MDN1: variants seen among roughly 807,000 people sequenced by gnomAD.
MDN1 encodes the protein midasin.
MDN1 carries 266 observed loss-of-function variants against 669.2 expected under a neutral mutation model. The ratio of observed to expected loss-of-function variants is 0.40; its 90% CI spans 0.36 to 0.44. The LOEUF is 0.44. Among genes scored for constraint, MDN1 ranks in the 20% least tolerant of loss-of-function variants. The pLI, the probability that MDN1 is intolerant of heterozygous loss-of-function variation, is 1.00. For missense variants in MDN1, 5,940 were observed against 6,754.0 expected (o/e 0.88, Z 4.22); for synonymous variants, 2,385 against 2,457.1 (o/e 0.97, Z 0.87).
In MDN1 at chr6:89,781,471, G is replaced by A; in HGVS notation, c.1571C>T (p.Ala524Val). 6.2e-7 allele frequency: 1 copy of A among 1,614,134 alleles called. No homozygotes were observed. The highest frequency in any genetic ancestry group is 8.5e-7 in the Non-Finnish European group (1 of 1,179,994). The change falls in exon 10 of 102, where the codon GCA becomes GTA. Residue 524 changes from alanine (A) to valine (V), a missense_variant. Ala to Val is a moderately conservative substitution (Grantham distance 64). Around this residue, in one of 5 missense-constraint regions of MDN1, gnomAD observed 1,203 missense variants for 1,268.9 expected, o/e 0.95. Coordinates refer to ENST00000369393, the MANE Select transcript of MDN1 (RefSeq NM_014611.3). Reference sequence around the variant, plus strand: ...TCTGGCTTCTGAAACTTCTTCAGGTGCCTGTTCACATCCAACAGAACTATC... The same window carrying A: ...TCTGGCTTCTGAAACTTCTTCAGGTACCTGTTCACATCCAACAGAACTATC... ...WSDSSVGCEQ[A>V]PEEVSEARRE...
At chr6:89,761,797 T>C (rs34865147) in intron 16 of MDN1, 49 bp from the exon 17 acceptor site, 184,488 of 1,269,644 alleles carry the variant, frequency 0.15, 15,269 homozygotes, top group Middle Eastern at 0.24. Context: ...TTGTAATATA[T>C]ACAACTTCTA....
At chr6:89,785,834 C>A (rs1322850053) in intron 8 of MDN1, among the ~76,000 whole-genome samples, 1 of 152,194 alleles carries the variant, frequency 6.6e-6, no homozygotes, top group East Asian at 1.9e-4. Flanking sequence ...GGAAGAACTT[C>A]ACTATCTCTA....
Position 89,677,575 on chromosome 6 carries a change from A to G in MDN1, c.12534T>C (p.Asp4178=). 3 of 1,613,882 alleles carry G rather than the reference A, an allele frequency of 1.9e-6. No homozygotes were observed. Among genetic ancestry groups the G allele is most frequent in the Non-Finnish European group, 2.5e-6 (3 of 1,179,932 alleles). Residue 4178 remains aspartate (D), a synonymous_variant, in exon 76 of 102, where the codon GAT becomes GAC. Coordinates refer to ENST00000369393, the MANE Select transcript of MDN1 (RefSeq NM_014611.3). The stretch of plus-strand genomic sequence containing the variant: ...CAAAACAAAAACAGACAAACCTAGA[A>G]TCAGCCTCCTGAGTGCTGCTGACGA... ...LSIVSSTQEA[D]SRLLTEISSS...
intron 45 of MDN1, among the ~76,000 whole-genome samples, chr6:89,715,402 T>C (rs1459878056): frequency 6.6e-6 from 1 of 152,204 alleles, no homozygotes; most frequent in Non-Finnish European, 1.5e-5. Context: ...GACTGGTATC[T>C]CTGCTTCCCA....
chr6:89,670,158 A>ATTTTT (rs1810582837), intron 83 of MDN1, among the ~76,000 whole-genome samples: 1 of 24,344 alleles, frequency 4.1e-5, no homozygotes, highest in Non-Finnish European at 6.6e-5. Context: ...ATATATATAT[A>ATTTTT]TATATATATA....
intron 17 of MDN1, 64 bp downstream of exon 17, chr6:89,761,581 G>A (rs1817548841): frequency 2.5e-6 from 3 of 1,209,540 alleles, no homozygotes; most frequent in Non-Finnish European, 3.6e-6. Flanking sequence ...ATAGTAACCT[G>A]CCTGAAACAT....
chr6:89,667,233 T>A (rs1340270561), intron 84 of MDN1, among the ~76,000 whole-genome samples: 1 of 151,080 alleles, frequency 6.6e-6, no homozygotes, highest in African/African-American at 2.4e-5. Context: ...ATTTGAGAAA[T>A]ACAGAAGGCC....
intron 97 of MDN1, among the ~76,000 whole-genome samples, chr6:89,649,163 GA>G (rs909785109): frequency 6.6e-6 from 1 of 152,116 alleles, no homozygotes; most frequent in Admixed American, 6.6e-5. Context: ...AACTATATCA[GA>G]AAATTTCATT....
intron 43 of MDN1, among the ~76,000 whole-genome samples, chr6:89,717,742 T>A (rs956772030): frequency 2.6e-5 from 4 of 152,198 alleles, no homozygotes; most frequent in African/African-American, 4.8e-5. Flanking sequence ...GATAAAATGT[T>A]TGCTGGCCAA....
chr6:89,670,041 A>G (rs9362671), intron 83 of MDN1, among the ~76,000 whole-genome samples: 81,581 of 148,040 alleles, frequency 0.55, 23,298 homozygotes, highest in East Asian at 0.9. Flanking sequence ...TGTCTCTACT[A>G]AAAATACAAA....
intron 76 of MDN1, 56 bp from the exon 77 acceptor site, chr6:89,676,263 A>T: frequency 1.3e-6 from 2 of 1,490,626 alleles, no homozygotes; most frequent in Non-Finnish European, 1.9e-6. Context: ...CCCACCCCAG[A>T]TCCTGAAAAC....
intron 11 of MDN1, among the ~76,000 whole-genome samples, chr6:89,779,496 C>G (rs1818537385): frequency 6.6e-6 from 1 of 152,188 alleles, no homozygotes; most frequent in African/African-American, 2.4e-5. Flanking sequence ...CAAAGAGGTT[C>G]AGTCAACCAA....
chr6:89,811,225 G>T (rs1768393942), intron 1 of MDN1, among the ~76,000 whole-genome samples: 1 of 152,024 alleles, frequency 6.6e-6, no homozygotes, highest in South Asian at 2.1e-4. Context: ...CCCATGAAAG[G>T]GTAAATGCCA....
intron 88 of MDN1, among the ~76,000 whole-genome samples, chr6:89,660,359 T>C (rs967996316): frequency 3.3e-5 from 5 of 152,018 alleles, no homozygotes; most frequent in African/African-American, 1.2e-4. Flanking sequence ...TAATTTTTTT[T>C]TCTTTGGTAG....
Position 89,722,574 on chromosome 6 carries a change from C to T in MDN1, c.5967+381G>A, listed in dbSNP as rs147292623. Reference sequence around the variant, plus strand: ...AGCTTTAACAGGCTTGCTAGCCGGGCGTGGTGGCTCACGCCTGTAATCCCA... The same window carrying T: ...AGCTTTAACAGGCTTGCTAGCCGGGTGTGGTGGCTCACGCCTGTAATCCCA... On this transcript the variant is annotated intron_variant, in intron 40 of 101. Transcript: ENST00000369393. Among the ~76,000 whole-genome samples, 1,197 of 152,308 alleles carry T rather than the reference C, an allele frequency of 7.9e-3. 6 individuals carry two copies. Among genetic ancestry groups the T allele is most frequent in the Non-Finnish European group, 0.014 (962 of 68,034 alleles).
At position 89,717,629 on chromosome 6, in the gene MDN1, G is replaced by C. The variant is rs530802355; in HGVS notation, c.6583+737C>G. Reference sequence around the variant, plus strand: ...CTGCATCGGATATCTTTTATAATTAGAGTGAATGAGTAAAGGATTTCAAGT... The same window carrying C: ...CTGCATCGGATATCTTTTATAATTACAGTGAATGAGTAAAGGATTTCAAGT... On this transcript the variant is annotated intron_variant, in intron 43 of 101. Coordinates refer to ENST00000369393, the MANE Select transcript of MDN1 (RefSeq NM_014611.3). 2.0e-5 allele frequency among the ~76,000 whole-genome samples: 3 copies of C among 152,238 alleles called. No homozygotes were observed. The East Asian group carries it at 5.8e-4, about 29-fold the overall frequency.
rs779157635 is a variant in MDN1 at position 89,695,986 on chromosome 6, C to T, written c.9390G>A (p.Thr3130=). The T allele has an allele frequency of 1.2e-5, 20 of 1,605,312 alleles. No individual in the cohort carries two copies. The highest frequency in any genetic ancestry group is 4.4e-5 in the South Asian group (4 of 90,636). ...GCACCTGCCCCTGGAGTTGGGAATC[C>T]GTGCGTCTGTGGGGACAAAAAGAAA... is the stretch of plus-strand genomic sequence containing the variant. ...AISSVAEFRR[T]DSQLQGQVLF... Residue 3130 remains threonine (T), a synonymous_variant, in exon 61 of 102, where the codon ACG becomes ACA. Transcript: ENST00000369393. The surrounding 1 kb of genome is among the most constrained non-coding windows in gnomAD (Gnocchi z 4.1).
chr6:89,785,946 C>A (rs1215040354), intron 8 of MDN1, among the ~76,000 whole-genome samples: 1 of 151,976 alleles, frequency 6.6e-6, no homozygotes. Context: ...CCAGCCTGGG[C>A]AACAAATTGA....
chr6:89,747,492 T>G (rs914033941), intron 26 of MDN1, 22 bp from the exon 27 acceptor site: 16 of 1,605,800 alleles, frequency 1.0e-5, no homozygotes, highest in Non-Finnish European at 1.3e-5. Context: ...TCAAAACAAA[T>G]GAAAAGGGGC....
Sources: allele counts gnomAD v4.1 joint callset (sites outside exome capture counted in the v4.1 genomes callset), GRCh38; gene constraint gnomAD v4.1.1; regional missense constraint gnomAD v4.1.1; non-coding constraint Gnocchi (gnomAD v3.1); transcripts MANE v1.5; gene names NCBI Gene and HGNC (gene_info 2026-07-23, HGNC 2026-07-21).